CNTNAP2: variants seen among roughly 807,000 people sequenced by gnomAD.
CNTNAP2 encodes contactin-associated protein-like 2.
Under a neutral mutation model 155.2 loss-of-function variants are expected in CNTNAP2, and 98 were observed. The observed-to-expected ratio is 0.63, with a 90% confidence interval of 0.54 to 0.75. The LOEUF is 0.75. Among genes scored for constraint, CNTNAP2 ranks in the 30% least tolerant of loss-of-function variants. The pLI is 0.00. For synonymous variants in CNTNAP2, 651 were observed against 631.2 expected, an observed-to-expected ratio of 1.03 and a Z score of -0.47; for missense variants, 1,727 against 1,688.1, an observed-to-expected ratio of 1.02 and a Z score of -0.40.
chr7:148,175,526 AT>A (rs1794918084), intron 18 of CNTNAP2, among the ~76,000 whole-genome samples: 2 of 152,126 alleles, frequency 1.3e-5, no homozygotes, highest in Admixed American at 1.3e-4. Context: ...ATCTCAATAC[AT>A]TTAGCAGAAC....
chr7:148,254,767 C>T (rs1004555403), intron 20 of CNTNAP2, among the ~76,000 whole-genome samples: 3 of 91,306 alleles, frequency 3.3e-5, no homozygotes, highest in African/African-American at 3.8e-5. Context: ...CAGAGCAAGA[C>T]TCCATCTCAA....
At chr7:146,580,054 A>G (rs752945307) in intron 1 of CNTNAP2, among the ~76,000 whole-genome samples, 29 of 152,116 alleles carry the variant, frequency 1.9e-4, no homozygotes, top group East Asian at 1.9e-4. Context: ...TATATTTCCT[A>G]TGCTTAAGGC....
intron 1 of CNTNAP2, among the ~76,000 whole-genome samples, chr7:146,622,243 A>ATATCTATCTATC (rs71165020): frequency 0.05 from 7,287 of 144,306 alleles, 316 homozygotes; most frequent in East Asian, 0.2. Flanking sequence ...ATGTGTGTGT[A>ATATCTATCTATC]TATCTATCTA....
intron 1 of CNTNAP2, among the ~76,000 whole-genome samples, chr7:146,395,970 A>T (rs2129107280): frequency 2.6e-5 from 1 of 38,594 alleles, no homozygotes; most frequent in Middle Eastern, 0.017. Context: ...TAAATTGGAG[A>T]TTATCACTTA....
rs1554424732 is a variant in CNTNAP2, at chr7:147,011,444, A to AAAAG, written c.403-32463_403-32462insAAAG. Among the ~76,000 whole-genome samples, 14 of 127,710 alleles carry AAAAG rather than the reference A, an allele frequency of 1.1e-4. 1 individual carries two copies. The highest frequency in any genetic ancestry group is 2.6e-4 in the South Asian group (1 of 3,820). The allele number at this position is 127,710 out of a possible 152,430, so 83.8% of individuals were successfully genotyped here. A position where few individuals can be genotyped will look rare whatever the true frequency, so the allele number is the denominator to read the frequency against. ...AAAAAAAAAAAAAAAAAAAAAAAAA[A>AAAAG]GGAACAAGGTTGTGAGGGTAACAGA... On this transcript the variant is annotated intron_variant, in intron 3 of 23. Transcript: ENST00000361727.
rs149987031 is a variant in CNTNAP2, at chr7:146,770,950, A to G, written c.98-3321A>G. ...TATCAAGTATGAGCTAGCCTGATTG[A>G]GCAGGTATGGACTAGAAAAATTTCT... On this transcript the variant is annotated intron_variant, in intron 1 of 23. Transcript: ENST00000361727. Among the ~76,000 whole-genome samples the G allele has an allele frequency of 5.5e-3, 840 of 152,274 alleles. 3 individuals are homozygous for G. Among genetic ancestry groups the G allele is most frequent in the Non-Finnish European group, 8.2e-3 (561 of 68,020 alleles).
At chr7:147,215,971 G>A (rs1331550256) in intron 8 of CNTNAP2, among the ~76,000 whole-genome samples, 1 of 151,972 alleles carries the variant, frequency 6.6e-6, no homozygotes, top group African/African-American at 2.4e-5. Flanking sequence ...ATGCTTATTT[G>A]CCATCTGTAA....
chr7:146,679,438 T>C (rs1168250459), intron 1 of CNTNAP2, among the ~76,000 whole-genome samples: 1 of 140,650 alleles, frequency 7.1e-6, no homozygotes, highest in East Asian at 2.3e-4. Context: ...TCACTGCAAC[T>C]TCCACCTCCC....
chr7:147,564,795 T>G (rs906432929), intron 12 of CNTNAP2, among the ~76,000 whole-genome samples: 3 of 152,142 alleles, frequency 2.0e-5, no homozygotes, highest in African/African-American at 4.8e-5. Flanking sequence ...GCACTTCAAA[T>G]GACTTCTGAG....
At chr7:147,590,900 G>A (rs1435651757) in intron 12 of CNTNAP2, among the ~76,000 whole-genome samples, 1 of 152,168 alleles carries the variant, frequency 6.6e-6, no homozygotes, top group East Asian at 1.9e-4. Context: ...ACTACTGAGT[G>A]AGAGAGAGCA....
intron 13 of CNTNAP2, among the ~76,000 whole-genome samples, chr7:147,795,928 A>T (rs777507825): frequency 3.9e-4 from 59 of 152,174 alleles, no homozygotes; most frequent in Non-Finnish European, 8.4e-4. Context: ...AGGCAGAGTT[A>T]GGCATTTTGC....
intron 11 of CNTNAP2, among the ~76,000 whole-genome samples, chr7:147,552,607 C>CAG (rs1554404495): frequency 9.0e-4 from 131 of 144,832 alleles, no homozygotes; most frequent in Middle Eastern, 3.5e-3. Context: ...CACACACACA[C>CAG]AGAGATATAA....
At chr7:148,330,836 G>A (rs1454890638) in intron 21 of CNTNAP2, among the ~76,000 whole-genome samples, 19 of 149,532 alleles carry the variant, frequency 1.3e-4, no homozygotes, top group East Asian at 4.0e-4. Context: ...TGGAATGGAC[G>A]GATAGAATGG....
chr7:146,273,996 CAT>C (rs1237313311), intron 1 of CNTNAP2, among the ~76,000 whole-genome samples: 1 of 151,962 alleles, frequency 6.6e-6, no homozygotes, highest in South Asian at 2.1e-4. Flanking sequence ...ATTATATATA[CAT>C]ATATATGTGT....
chr7:147,311,497 G>C (rs959153624), intron 9 of CNTNAP2, among the ~76,000 whole-genome samples: 11 of 152,090 alleles, frequency 7.2e-5, no homozygotes, highest in Admixed American at 2.0e-4. Flanking sequence ...CAGACTGAGG[G>C]CAGTCCAGGC....
intron 21 of CNTNAP2, among the ~76,000 whole-genome samples, chr7:148,351,917 C>T (rs961393097): frequency 5.9e-5 from 9 of 151,944 alleles, no homozygotes; most frequent in African/African-American, 1.9e-4. Flanking sequence ...AATATGTGAC[C>T]CCTACCTCAT....
intron 1 of CNTNAP2, among the ~76,000 whole-genome samples, chr7:146,702,860 C>G (rs139634282): frequency 2.0e-5 from 3 of 152,188 alleles, no homozygotes; most frequent in African/African-American, 7.2e-5. Flanking sequence ...ATAAACAATA[C>G]TGAAAACTGC....
chr7:147,287,557 A>T (rs929090407), intron 8 of CNTNAP2, among the ~76,000 whole-genome samples: 2 of 151,768 alleles, frequency 1.3e-5, no homozygotes, highest in African/African-American at 4.8e-5. Context: ...TTCAGCCTAA[A>T]CTCTCTTTTC....
Position 147,314,882 on chromosome 7 carries a change from T to C in CNTNAP2, c.1498+14592T>C, listed in dbSNP as rs545583321. On this transcript the variant is annotated intron_variant, in intron 9 of 23. Coordinates refer to ENST00000361727, the MANE Select transcript of CNTNAP2 (RefSeq NM_014141.6). ...AGATCAAAAGAAGGAAAAAATTCAA[T>C]TGGGCTTTAGGGTGGAAATGCAAGC... is the stretch of plus-strand genomic sequence containing the variant. Among the ~76,000 whole-genome samples, 172 of 151,174 alleles carry C rather than the reference T, an allele frequency of 1.1e-3. 2 individuals are homozygous for C. The highest frequency in any genetic ancestry group is 4.0e-3 in the African/African-American group (164 of 41,452).
Sources: gnomAD v4.1 joint callset for allele counts (sites outside exome capture counted in the v4.1 genomes callset) on GRCh38, gnomAD v4.1.1 for gene constraint, MANE v1.5 for transcripts, NCBI Gene and HGNC (gene_info 2026-07-23, HGNC 2026-07-21) for gene names.